The following WDR72 variants were observed in gnomAD, a reference collection of about 807,000 sequenced individuals.
WDR72 encodes WD repeat domain 72.
In WDR72, 120 loss-of-function variants were observed where a neutral mutation model predicts 124.2. The observed-to-expected ratio is 0.97, with a 90% CI of 0.83 to 1.12. The LOEUF (loss-of-function observed/expected upper bound fraction) is 1.12, where lower values mean the gene tolerates loss of function less well. Ranked by LOEUF, WDR72 falls within the 50% of genes most tolerant of loss-of-function variation. The probability of loss-of-function intolerance (pLI) is 0.00; values close to 1 mark genes in which losing one functional copy is unlikely to be tolerated. For synonymous variants in WDR72, 452 were observed against 441.7 expected (o/e 1.02, Z -0.29); for missense variants, 1,387 against 1,278.8 (o/e 1.08, Z -1.29).
At chr15:53,664,766 T>A (rs186200621) in intron 14 of WDR72, among the ~76,000 whole-genome samples, 5 of 152,210 alleles carry the variant, frequency 3.3e-5, no homozygotes, top group Admixed American at 2.6e-4. Flanking sequence ...AACCAAGCCA[T>A]ATATCAAGAC....
chr15:53,610,689 C>A (rs1053302347), intron 16 of WDR72, among the ~76,000 whole-genome samples: 4 of 151,638 alleles, frequency 2.6e-5, no homozygotes, highest in Non-Finnish European at 5.9e-5. Context: ...AACTTCTGAC[C>A]AATTATTGAT....
intron 19 of WDR72, among the ~76,000 whole-genome samples, chr15:53,522,638 C>G (rs1051962720): frequency 2.0e-5 from 3 of 152,098 alleles, no homozygotes; most frequent in African/African-American, 7.2e-5. Context: ...TCTTTTATTT[C>G]TATAAAGGAT....
At chr15:53,609,447 G>T in intron 17 of WDR72, 66 bp downstream of exon 17, 1 of 1,340,414 alleles carries the variant, frequency 7.5e-7, no homozygotes, top group Non-Finnish European at 1.1e-6. Context: ...GATAGAGGGG[G>T]GTATCCATGA....
intron 16 of WDR72, among the ~76,000 whole-genome samples, chr15:53,610,776 A>G (rs2013506248): frequency 6.6e-6 from 1 of 152,080 alleles, no homozygotes; most frequent in Non-Finnish European, 1.5e-5. Context: ...GAAGTATGGT[A>G]GAAGATTATA....
chr15:53,738,665 C>T (rs2018423949), intron 1 of WDR72, among the ~76,000 whole-genome samples: 1 of 152,128 alleles, frequency 6.6e-6, no homozygotes, highest in Admixed American at 6.5e-5. Context: ...GGCGTGATCT[C>T]GGCTCACTGC....
In WDR72 at chr15:53,748,884, AT is replaced by A. The variant is rs555281432; in HGVS notation, c.-13+10748del. 3.9e-5 allele frequency among the ~76,000 whole-genome samples: 6 copies of A among 152,210 alleles called. No homozygotes were observed. In the South Asian group the frequency reaches 1.2e-3, roughly 32 times the overall value. ...TTGGTCCCTTTGCCTTTGTTTACATATATTTAGTTTAAAAATATTTATTATC... is the reference window on the plus strand; with the variant it reads ...TTGGTCCCTTTGCCTTTGTTTACATAATTTAGTTTAAAAATATTTATTATC... On this transcript the variant is annotated intron_variant, in intron 1 of 19. Transcript: ENST00000360509.
At chr15:53,600,131 G>C (rs997706523) in intron 17 of WDR72, among the ~76,000 whole-genome samples, 1 of 152,094 alleles carries the variant, frequency 6.6e-6, no homozygotes, top group Non-Finnish European at 1.5e-5. Context: ...ATCTGGAATA[G>C]AATGGGCACT....
intron 7 of WDR72, 72 bp from the exon 8 acceptor site, chr15:53,711,553 G>A: frequency 1.4e-6 from 2 of 1,480,206 alleles, no homozygotes; most frequent in Non-Finnish European, 1.9e-6. Context: ...TATAAATTAT[G>A]ATAGTAATAA....
chr15:53,558,690 A>C (rs1894015728), intron 18 of WDR72, among the ~76,000 whole-genome samples: 3 of 152,068 alleles, frequency 2.0e-5, no homozygotes. Context: ...CTGTGTAAGA[A>C]AGAACCCTGT....
chr15:53,688,000 C>A (rs1412363267), intron 13 of WDR72, among the ~76,000 whole-genome samples: 3 of 147,056 alleles, frequency 2.0e-5, no homozygotes, highest in South Asian at 2.2e-4. Flanking sequence ...AGGCCTTTGA[C>A]AAAATTCAAC....
chr15:53,698,280 T>G (rs1189921711), intron 13 of WDR72, among the ~76,000 whole-genome samples: 1 of 152,316 alleles, frequency 6.6e-6, no homozygotes, highest in African/African-American at 2.4e-5. Context: ...CAGATATTTA[T>G]TTATTCTTGC....
chr15:53,587,843 G>A (rs1299291738), intron 18 of WDR72, among the ~76,000 whole-genome samples: 1 of 151,946 alleles, frequency 6.6e-6, no homozygotes, highest in Non-Finnish European at 1.5e-5. Flanking sequence ...TACATAAAGG[G>A]CCCATGCTCA....
intron 13 of WDR72, chr15:53,684,629 G>C (rs186823762): frequency 6.4e-6 from 1 of 157,414 alleles, no homozygotes; most frequent in Non-Finnish European, 1.4e-5. Flanking sequence ...AGCCAGGCTG[G>C]GGGAGGGGCG....
At chr15:53,692,827 T>A (rs1332009736) in intron 13 of WDR72, among the ~76,000 whole-genome samples, 1 of 152,112 alleles carries the variant, frequency 6.6e-6, no homozygotes, top group African/African-American at 2.4e-5. Flanking sequence ...TGTCGAGTAA[T>A]AACATCAGTA....
intron 18 of WDR72, among the ~76,000 whole-genome samples, chr15:53,547,230 T>C (rs1893515087): frequency 6.6e-6 from 1 of 152,214 alleles, no homozygotes; most frequent in African/African-American, 2.4e-5. Context: ...AGTCCTGGGT[T>C]TAAGCGATTC....
At chr15:53,663,457 A>T (rs560077841) in intron 14 of WDR72, among the ~76,000 whole-genome samples, 136 of 152,308 alleles carry the variant, frequency 8.9e-4, no homozygotes, top group African/African-American at 3.2e-3. Context: ...CTTGAAGTCA[A>T]GGAATAAACA....
At chr15:53,741,821 A>G (rs2018518304) in intron 1 of WDR72, among the ~76,000 whole-genome samples, 1 of 151,708 alleles carries the variant, frequency 6.6e-6, no homozygotes, top group African/African-American at 2.4e-5. Context: ...TCTGCCTCCC[A>G]AGTTCAAGCG....
chr15:53,705,901 G>C (rs755044075), intron 10 of WDR72, 26 bp downstream of exon 10: 1 of 1,613,544 alleles, frequency 6.2e-7, no homozygotes. Flanking sequence ...CAGAAGACAT[G>C]TTACTAGAAA....
At chr15:53,619,264 T>TTGTGTGTG (rs3081256) in intron 14 of WDR72, among the ~76,000 whole-genome samples, 2,228 of 147,478 alleles carry the variant, frequency 0.015, 22 homozygotes, top group African/African-American at 0.024. Flanking sequence ...TGCTTTATAA[T>TTGTGTGTG]TGTGTGTGTG....
Sources: gnomAD v4.1 joint callset for allele counts (sites outside exome capture counted in the v4.1 genomes callset) on GRCh38, gnomAD v4.1.1 for gene constraint, MANE v1.5 for transcripts, NCBI Gene and HGNC (gene_info 2026-07-23, HGNC 2026-07-21) for gene names.